Variants in CRACDL observed in about 807,000 individuals in gnomAD.
CRACDL encodes CRACD-like protein.
In CRACDL, 26 loss-of-function variants were observed where a neutral mutation model predicts 70.6. The observed-to-expected ratio is 0.37, with a 90% CI of 0.27 to 0.51. The LOEUF (loss-of-function observed/expected upper bound fraction) is 0.51. Ranked by LOEUF, CRACDL falls within the 20% of genes least tolerant of loss-of-function variation. CRACDL has a pLI of 0.94. For synonymous variants in CRACDL, 618 were observed against 615.2 expected, an observed-to-expected ratio of 1.00 and a Z score of -0.07; for missense variants, 1,283 against 1,376.9, an observed-to-expected ratio of 0.93 and a Z score of 1.08.
At chr2:98,821,307 G>C (rs547437510) in intron 7 of CRACDL, among the ~76,000 whole-genome samples, 1 of 152,080 alleles carries the variant, frequency 6.6e-6, no homozygotes, top group South Asian at 2.1e-4. Flanking sequence ...TTTCAGCCTC[G>C]CAAGTAGCTG....
intron 7 of CRACDL, among the ~76,000 whole-genome samples, chr2:98,813,538 A>C (rs1704659984): frequency 6.6e-6 from 1 of 152,220 alleles, no homozygotes; most frequent in Non-Finnish European, 1.5e-5. Context: ...AAAAGTATGA[A>C]CCTTGACCTA....
rs201152769 is a variant in CRACDL at position 98,929,636 on chromosome 2, T to TC, written c.-11+6301dup. ...CCAGAATGCCCCAGGCACGGCAGGCTCCCCCATCTGGATGGGATGATGGCT... is the reference window on the plus strand; with the variant it reads ...CCAGAATGCCCCAGGCACGGCAGGCTCCCCCCATCTGGATGGGATGATGGCT... On this transcript the variant is annotated intron_variant, in intron 1 of 9. Transcript: ENST00000397899. 9.0e-3 allele frequency among the ~76,000 whole-genome samples: 1,374 copies of TC among 152,050 alleles called. 21 individuals carry two copies. Among genetic ancestry groups the TC allele is most frequent in the African/African-American group, 0.031 (1,285 of 41,462 alleles).
chr2:98,895,273 A>G lies in CRACDL; in HGVS notation c.-11+40665T>C, dbSNP rs1281802711. Among the ~76,000 whole-genome samples, 6 of 152,242 alleles carry G rather than the reference A, an allele frequency of 3.9e-5. 1 individual carries two copies. Among genetic ancestry groups the G allele is most frequent in the Admixed American group, 3.9e-4 (6 of 15,288 alleles). ...CAGAGGGAGGGCCTTGATGGCAAAGATCTTATAGCCTAGATCTAGAATTAT... is the reference window on the plus strand; with the variant it reads ...CAGAGGGAGGGCCTTGATGGCAAAGGTCTTATAGCCTAGATCTAGAATTAT... On this transcript the variant is annotated intron_variant, in intron 1 of 9. Coordinates refer to ENST00000397899, the MANE Select transcript of CRACDL (RefSeq NM_207362.3).
At chr2:98,881,416 A>G (rs764571598) in intron 1 of CRACDL, among the ~76,000 whole-genome samples, 3 of 152,202 alleles carry the variant, frequency 2.0e-5, no homozygotes, top group Non-Finnish European at 4.4e-5. Flanking sequence ...GCACTGCCTT[A>G]CAGCTCTTGT....
At chr2:98,810,637 A>G (rs950554645) in intron 7 of CRACDL, among the ~76,000 whole-genome samples, 1 of 152,202 alleles carries the variant, frequency 6.6e-6, no homozygotes, top group African/African-American at 2.4e-5. Context: ...GACGACACTT[A>G]GTGTTGATGA....
rs759848712 is a variant in CRACDL, at chr2:98,865,782, T to TCAAGAG, written c.-10-18978_-10-18973dup. ...AGCCAACCCTTTCTCCCTGAAGGTG[T>TCAAGAG]CAAGAGGACTTTCTGCTTTTTTTTT... On this transcript the variant is annotated intron_variant, in intron 1 of 9. Transcript: ENST00000397899. Among the ~76,000 whole-genome samples, 111 of 150,176 alleles carry TCAAGAG rather than the reference T, an allele frequency of 7.4e-4. 1 individual carries two copies. Among genetic ancestry groups the TCAAGAG allele is most frequent in the South Asian group, 1.5e-3 (7 of 4,746 alleles).
intron 3 of CRACDL, among the ~76,000 whole-genome samples, chr2:98,834,862 T>G (rs1705702830): frequency 6.6e-6 from 1 of 152,178 alleles, no homozygotes; most frequent in Non-Finnish European, 1.5e-5. Flanking sequence ...GAATACATTC[T>G]AGGAACAACA....
chr2:98,827,711 T>G (rs1302933757), intron 5 of CRACDL, among the ~76,000 whole-genome samples: 1 of 152,222 alleles, frequency 6.6e-6, no homozygotes, highest in Non-Finnish European at 1.5e-5. Context: ...CCCAAGACCA[T>G]GCAGAGAACC....
At chr2:98,908,942 T>C (rs936457985) in intron 1 of CRACDL, among the ~76,000 whole-genome samples, 2 of 152,102 alleles carry the variant, frequency 1.3e-5, no homozygotes, top group African/African-American at 2.4e-5. Flanking sequence ...AGAATAATCC[T>C]AAAGGTTCAG....
rs1207056011 is a variant in CRACDL at position 98,822,459 on chromosome 2, G to A, written c.1814C>T (p.Pro605Leu). 3 of 1,477,422 alleles carry A rather than the reference G, an allele frequency of 2.0e-6. No homozygotes were observed. The highest frequency in any genetic ancestry group is 2.9e-5 in the African/African-American group (2 of 67,900). 91.5% of individuals were successfully genotyped at this position (1,477,422 alleles called of 1,614,324 possible). ...SGRLPLARSG[P>L]VWRSEAALDD... ...AAGAGCCGCCTCGCTCCTCCAGACCGGGCCGCTCCTCGCGAGGGGCAGGCG... is the reference window on the plus strand; with the variant it reads ...AAGAGCCGCCTCGCTCCTCCAGACCAGGCCGCTCCTCGCGAGGGGCAGGCG... Residue 605 changes from proline (P) to leucine (L), a missense_variant, in exon 7 of 10, where the codon CCG becomes CTG. This residue lies in a region of CRACDL where 921 missense variants were observed against 881.9 expected (regional missense o/e 1.04). Transcript: ENST00000397899. The surrounding 1 kb of genome is among the most constrained non-coding windows in gnomAD (Gnocchi z 4.9).
At chr2:98,870,554 C>G (rs949443014) in intron 1 of CRACDL, among the ~76,000 whole-genome samples, 2 of 149,372 alleles carry the variant, frequency 1.3e-5, no homozygotes, top group African/African-American at 4.9e-5. Context: ...GGTGGAGAGT[C>G]CCCTGTATCC....
chr2:98,862,121 C>T (rs1358088784), intron 1 of CRACDL, among the ~76,000 whole-genome samples: 1 of 152,120 alleles, frequency 6.6e-6, no homozygotes, highest in African/African-American at 2.4e-5. Context: ...AAGACTAGGT[C>T]ACTCAAAAGC....
intron 1 of CRACDL, among the ~76,000 whole-genome samples, chr2:98,932,753 A>G (rs988818791): frequency 1.3e-5 from 2 of 152,346 alleles, no homozygotes; most frequent in Non-Finnish European, 1.5e-5. Context: ...ACAGTGGTGA[A>G]TACAGAGATA....
chr2:98,917,631 T>C (rs1708699408), intron 1 of CRACDL, among the ~76,000 whole-genome samples: 1 of 152,264 alleles, frequency 6.6e-6, no homozygotes, highest in South Asian at 2.1e-4. Context: ...TTTCTCCTTT[T>C]ACGAGCAAAT....
At position 98,822,472 on chromosome 2, in the gene CRACDL, C is replaced by T; in HGVS notation, c.1801G>A (p.Ala601Thr). The change falls in exon 7 of 10, where the codon GCG becomes ACG. Residue 601 changes from alanine to threonine, a missense_variant. Ala to Thr is a moderately conservative substitution (Grantham distance 58). This residue lies in a region of CRACDL where 921 missense variants were observed against 881.9 expected (regional missense o/e 1.04). Transcript: ENST00000397899. This position sits in a 1 kb window ranked among gnomAD's most constrained non-coding sequence, Gnocchi z 4.9. ...LERASGRLPL[A>T]RSGPVWRSEA... Reference sequence around the variant, plus strand: ...CTCCTCCAGACCGGGCCGCTCCTCGCGAGGGGCAGGCGGCCGCTGGCCCGT... The same window carrying T: ...CTCCTCCAGACCGGGCCGCTCCTCGTGAGGGGCAGGCGGCCGCTGGCCCGT... The T allele has an allele frequency of 1.4e-6, 2 of 1,474,364 alleles. No individual in the cohort carries two copies. The highest frequency in any genetic ancestry group is 1.8e-6 in the Non-Finnish European group (2 of 1,120,734). 91.3% of individuals were successfully genotyped at this position (1,474,364 alleles called of 1,614,324 possible).
At chr2:98,891,302 C>T (rs567319860) in intron 1 of CRACDL, among the ~76,000 whole-genome samples, 24 of 135,464 alleles carry the variant, frequency 1.8e-4, no homozygotes, top group East Asian at 1.2e-3. Context: ...ACTTGAATGT[C>T]GGAGGCAGAG....
At chr2:98,824,240 G>A (rs1280619886) in intron 6 of CRACDL, among the ~76,000 whole-genome samples, 2 of 151,978 alleles carry the variant, frequency 1.3e-5, no homozygotes, top group African/African-American at 2.4e-5. Context: ...CCTCAACACT[G>A]TGCCAGACAC....
intron 2 of CRACDL, 136 bp downstream of exon 2, chr2:98,846,595 G>T (rs184504928): frequency 1.5e-5 from 10 of 673,754 alleles, no homozygotes; most frequent in Admixed American, 5.0e-5. Flanking sequence ...GAAGGGCCTG[G>T]GGGTATCTGA....
chr2:98,840,998 T>C (rs1706003563), intron 2 of CRACDL, among the ~76,000 whole-genome samples: 2 of 152,042 alleles, frequency 1.3e-5, no homozygotes, highest in Non-Finnish European at 2.9e-5. Flanking sequence ...TTTGAGACCC[T>C]CAACTGGTAA....
Sources: gnomAD v4.1 joint callset for allele counts (sites outside exome capture counted in the v4.1 genomes callset) on GRCh38, gnomAD v4.1.1 for gene constraint, gnomAD v4.1.1 regional missense constraint, Gnocchi (gnomAD v3.1) non-coding constraint, MANE v1.5 for transcripts, NCBI Gene and HGNC (gene_info 2026-07-23, HGNC 2026-07-21) for gene names.